Variants in PCDHA13 observed in about 807,000 individuals in gnomAD.
The protein encoded by PCDHA13 is protocadherin alpha-13.
A neutral mutation model predicts 64.8 loss-of-function variants in PCDHA13; 54 were observed. That is an observed-to-expected ratio of 0.83 (90% CI 0.67 to 1.04). PCDHA13 has a LOEUF of 1.04. Among genes scored for constraint, PCDHA13 ranks in the 50% least tolerant of loss-of-function variants. The pLI, the probability that PCDHA13 is intolerant of heterozygous loss-of-function variation, is 0.00. For synonymous variants in PCDHA13, 587 were observed against 564.4 expected (o/e 1.04, Z -0.57); for missense variants, 1,248 against 1,254.3 (o/e 0.99, Z 0.08).
Position 140,978,960 on chromosome 5 carries a change from C to G in PCDHA13, c.2406C>G (p.Pro802=), listed in dbSNP as rs560855761. The G allele has an allele frequency of 2.6e-5, 42 of 1,614,120 alleles. No homozygotes were observed. The highest frequency in any genetic ancestry group is 2.5e-4 in the African/African-American group (19 of 75,024). The change falls in exon 2 of 4, where the codon CCC becomes CCG. Residue 802 remains proline, a synonymous_variant. Coordinates refer to ENST00000289272, the MANE Select transcript of PCDHA13 (RefSeq NM_018904.3). ...TTGTGATTTTGCAGCCACGACAGCC[C>G]AACCCTGACTGGCGTTACTCTGCCT... ...DSECLKEPRQ[P]NPDWRYSASL...
intron 1 of PCDHA13, chr5:140,927,514 G>T: frequency 6.2e-7 from 1 of 1,614,056 alleles, no homozygotes; most frequent in Non-Finnish European, 8.5e-7. Flanking sequence ...AGCTCGGGAC[G>T]GCGGGCTACC....
At chr5:141,006,363 C>A (rs2098270160) in intron 3 of PCDHA13, among the ~76,000 whole-genome samples, 1 of 152,080 alleles carries the variant, frequency 6.6e-6, no homozygotes, top group Non-Finnish European at 1.5e-5. Context: ...AGGCGCCCAC[C>A]ACCACGCCCG....
Position 140,968,192 on chromosome 5 carries a change from A to G in PCDHA13, c.2395-10757A>G, listed in dbSNP as rs555596025. The G allele has an allele frequency of 2.5e-6, 4 of 1,614,038 alleles. No individual in the cohort carries two copies. The Admixed American group carries it at 5.0e-5, about 20-fold the overall frequency. ...AAGCTTCCTGGAGGACTCCTATTCC[A>G]TCTACATACAGGAGAACAATTTGCC... On this transcript the variant is annotated intron_variant, in intron 1 of 3. Coordinates refer to ENST00000289272, the MANE Select transcript of PCDHA13 (RefSeq NM_018904.3).
At chr5:140,967,406 G>A in intron 1 of PCDHA13, 1 of 1,613,006 alleles carries the variant, frequency 6.2e-7, no homozygotes, top group Non-Finnish European at 8.5e-7. Flanking sequence ...GCTGCGTAAG[G>A]GCCTAGACCG....
intron 3 of PCDHA13, among the ~76,000 whole-genome samples, chr5:140,989,984 C>T (rs907486922): frequency 3.3e-5 from 5 of 152,032 alleles, no homozygotes; most frequent in African/African-American, 1.2e-4. Context: ...ACAGCCCTGC[C>T]TGAAATTGTC....
intron 3 of PCDHA13, among the ~76,000 whole-genome samples, chr5:141,000,764 A>G (rs1371396511): frequency 2.0e-5 from 3 of 151,808 alleles, no homozygotes; most frequent in Non-Finnish European, 4.4e-5. Context: ...AATCTTAGCC[A>G]GGCATAGTGG....
chr5:140,949,074 C>T (rs2094343019), intron 1 of PCDHA13, among the ~76,000 whole-genome samples: 1 of 151,780 alleles, frequency 6.6e-6, no homozygotes, highest in African/African-American at 2.4e-5. Flanking sequence ...AACTCTTTCA[C>T]CCATTTATTA....
At chr5:140,963,068 G>C (rs1472395054) in intron 1 of PCDHA13, among the ~76,000 whole-genome samples, 3 of 152,064 alleles carry the variant, frequency 2.0e-5, no homozygotes, top group African/African-American at 7.2e-5. Context: ...CATTGTGAAG[G>C]AGACAGAAAT....
chr5:140,996,453 C>A (rs1289648745), intron 3 of PCDHA13, among the ~76,000 whole-genome samples: 2 of 152,160 alleles, frequency 1.3e-5, no homozygotes, highest in African/African-American at 4.8e-5. Flanking sequence ...AGTTGTGGTG[C>A]TAAGGGAGGA....
chr5:140,901,331 G>A (rs545187943), intron 1 of PCDHA13, among the ~76,000 whole-genome samples: 66 of 152,062 alleles, frequency 4.3e-4, no homozygotes, highest in Non-Finnish European at 7.1e-4. Flanking sequence ...TCTTGTAGTC[G>A]TTTTATAGTT....
At chr5:140,985,217 G>A (rs1196051994) in intron 3 of PCDHA13, among the ~76,000 whole-genome samples, 3 of 152,206 alleles carry the variant, frequency 2.0e-5, no homozygotes, top group Admixed American at 1.3e-4. Context: ...GATTACAGGC[G>A]TGAGCCACCG....
In PCDHA13 at chr5:140,916,964, T is replaced by C. The variant is rs139574694; in HGVS notation, c.2394+32302T>C. On this transcript the variant is annotated intron_variant, in intron 1 of 3. Transcript: ENST00000289272. The stretch of plus-strand genomic sequence containing the variant: ...GTGAGGCTTGCTGAGTTCTGACTGC[T>C]GGGATGAGTGATTCGCCTCTGGCCA... Among the ~76,000 whole-genome samples, 15 of 152,322 alleles carry C rather than the reference T, an allele frequency of 9.8e-5. No individual in the cohort carries two copies. In the East Asian group the frequency reaches 2.9e-3, roughly 29 times the overall value.
chr5:140,899,171 A>G (rs1302003338), intron 1 of PCDHA13, among the ~76,000 whole-genome samples: 1 of 152,058 alleles, frequency 6.6e-6, no homozygotes, highest in Non-Finnish European at 1.5e-5. Context: ...TCCTAATTGA[A>G]TACCCTTTAT....
intron 1 of PCDHA13, among the ~76,000 whole-genome samples, chr5:140,891,557 A>G (rs549418095): frequency 6.6e-6 from 1 of 151,608 alleles, no homozygotes; most frequent in Non-Finnish European, 1.5e-5. Flanking sequence ...TTATTTTAGT[A>G]CTCTAATTAA....
At chr5:140,990,705 G>A (rs2097408066) in intron 3 of PCDHA13, among the ~76,000 whole-genome samples, 1 of 152,132 alleles carries the variant, frequency 6.6e-6, no homozygotes, top group Non-Finnish European at 1.5e-5. Flanking sequence ...AGATTTATGG[G>A]GATAAGAGCA....
intron 1 of PCDHA13, among the ~76,000 whole-genome samples, chr5:140,907,969 A>C (rs1355560411): frequency 1.3e-5 from 2 of 152,204 alleles, no homozygotes; most frequent in African/African-American, 4.8e-5. Flanking sequence ...CCAATTTTCC[A>C]ATCATGCTTC....
chr5:141,002,675 A>G (rs782045638), intron 3 of PCDHA13, among the ~76,000 whole-genome samples: 5 of 152,222 alleles, frequency 3.3e-5, no homozygotes, highest in African/African-American at 4.8e-5. Context: ...ACCAAAACCT[A>G]TACGACGTGC....
chr5:140,965,229 C>A (rs1554227498), intron 1 of PCDHA13, among the ~76,000 whole-genome samples: 1 of 152,124 alleles, frequency 6.6e-6, no homozygotes, highest in Non-Finnish European at 1.5e-5. Context: ...AATGTGAGAA[C>A]CTGGGAAGAG....
chr5:140,976,933 A>G (rs1554238099), intron 1 of PCDHA13, among the ~76,000 whole-genome samples: 1 of 152,198 alleles, frequency 6.6e-6, no homozygotes, highest in African/African-American at 2.4e-5. Context: ...CTGTGTAGCT[A>G]CTTAAAACAT....
Sources: gnomAD v4.1 joint callset for allele counts (sites outside exome capture counted in the v4.1 genomes callset) on GRCh38, gnomAD v4.1.1 for gene constraint, MANE v1.5 for transcripts, NCBI Gene and HGNC (gene_info 2026-07-23, HGNC 2026-07-21) for gene names.